Variants in SLC25A48 observed in about 807,000 individuals in gnomAD.
The protein encoded by SLC25A48 is CTC-321K16.1.
A neutral mutation model predicts 32.2 loss-of-function variants in SLC25A48; 29 were observed. That is an observed-to-expected ratio of 0.90 (90% confidence interval 0.67 to 1.23). SLC25A48 has a LOEUF of 1.23. SLC25A48 is among the 50% of genes most tolerant of loss of function. The pLI is 0.00. For synonymous variants in SLC25A48, 164 were observed against 172.3 expected (o/e 0.95, Z 0.38); for missense variants, 399 against 422.7 (o/e 0.94, Z 0.49).
chr5:135,869,002 G>C (rs187543394), intron 4 of SLC25A48, among the ~76,000 whole-genome samples: 1 of 152,186 alleles, frequency 6.6e-6, no homozygotes, highest in Non-Finnish European at 1.5e-5. Context: ...ACACACGAGT[G>C]AGAAGGGAGG....
chr5:135,799,904 A>G (rs945324249), intron 3 of SLC25A48, among the ~76,000 whole-genome samples: 7 of 151,818 alleles, frequency 4.6e-5, no homozygotes, highest in Non-Finnish European at 1.0e-4. Flanking sequence ...TACTCCCAAT[A>G]TCTCAGGGAG....
At chr5:135,678,263 T>G (rs1476129505) in intron 3 of SLC25A48, among the ~76,000 whole-genome samples, 1 of 152,208 alleles carries the variant, frequency 6.6e-6, no homozygotes, top group Admixed American at 6.5e-5. Flanking sequence ...TCAAAAGATC[T>G]GTCTTCAAGT....
chr5:135,698,304 GA>G (rs1754313978), intron 3 of SLC25A48, among the ~76,000 whole-genome samples: 1 of 152,174 alleles, frequency 6.6e-6, no homozygotes, highest in Non-Finnish European at 1.5e-5. Flanking sequence ...CCCATGGTTG[GA>G]CACAGGGAAA....
intron 3 of SLC25A48, among the ~76,000 whole-genome samples, chr5:135,759,894 A>ATC (rs1756019641): frequency 6.7e-6 from 1 of 148,412 alleles, no homozygotes; most frequent in African/African-American, 2.5e-5. Flanking sequence ...CAATGGCACG[A>ATC]TCTCAGCTCA....
At chr5:135,632,387 G>A (rs1319965551) in intron 2 of SLC25A48, among the ~76,000 whole-genome samples, 1 of 152,194 alleles carries the variant, frequency 6.6e-6, no homozygotes, top group Non-Finnish European at 1.5e-5. Context: ...AGGAGTGGTA[G>A]CCTGGACTCA....
chr5:135,801,194 G>A (rs538523465), intron 3 of SLC25A48, among the ~76,000 whole-genome samples: 1 of 150,776 alleles, frequency 6.6e-6, no homozygotes, highest in South Asian at 2.1e-4. Context: ...AATATCCAGG[G>A]TGGTAGGGGA....
intron 3 of SLC25A48, among the ~76,000 whole-genome samples, chr5:135,796,483 C>A (rs1757183426): frequency 6.6e-6 from 1 of 150,964 alleles, no homozygotes; most frequent in Non-Finnish European, 1.5e-5. Flanking sequence ...GTGTACACAC[C>A]CCTGTGATAT....
chr5:135,607,834 A>AGG (rs1421621822), intron 1 of SLC25A48, among the ~76,000 whole-genome samples: 1 of 152,186 alleles, frequency 6.6e-6, no homozygotes, highest in Non-Finnish European at 1.5e-5. Context: ...TTGAAGTAGG[A>AGG]GGCAGAATTG....
chr5:135,654,866 G>A (rs778142670), intron 3 of SLC25A48, among the ~76,000 whole-genome samples: 1 of 152,206 alleles, frequency 6.6e-6, no homozygotes, highest in Non-Finnish European at 1.5e-5. Context: ...CATAGACTGC[G>A]AGAACTCGGC....
At chr5:135,782,533 G>A (rs781291319) in intron 3 of SLC25A48, among the ~76,000 whole-genome samples, 1 of 117,122 alleles carries the variant, frequency 8.5e-6, no homozygotes, top group African/African-American at 2.6e-5. Flanking sequence ...TCCAGGGAAG[G>A]AGAGGATGAT....
chr5:135,874,232 T>C (rs1761879564), intron 6 of SLC25A48, 78 bp downstream of exon 6: 3 of 1,371,076 alleles, frequency 2.2e-6, no homozygotes, highest in African/African-American at 1.5e-5. Flanking sequence ...TGTGGGACTA[T>C]AGAGAAGGGA....
intron 3 of SLC25A48, among the ~76,000 whole-genome samples, chr5:135,666,657 CAGAGAGAGAGAGAGAGAG>C (rs70976575): frequency 1.8e-3 from 269 of 148,680 alleles, no homozygotes; most frequent in Non-Finnish European, 2.0e-3. Flanking sequence ...TTCAGGGCAT[CAGAGAGAGAGAGAGAGAG>C]AGAGAGAGAG....
intron 1 of SLC25A48, among the ~76,000 whole-genome samples, chr5:135,597,780 G>A (rs1751688949): frequency 6.6e-6 from 1 of 152,164 alleles, no homozygotes; most frequent in South Asian, 2.1e-4. Flanking sequence ...GAGGTGGGCG[G>A]ATCACCTGAG....
At chr5:135,867,880 C>A (rs1694201212) in intron 4 of SLC25A48, among the ~76,000 whole-genome samples, 2 of 152,190 alleles carry the variant, frequency 1.3e-5, no homozygotes, top group African/African-American at 4.8e-5. Context: ...TTGTAAGTTA[C>A]AACCACTGCC....
chr5:135,888,082 T>G lies in SLC25A48; in HGVS notation c.*58T>G. ...GTTCCCTGGGCCTCATCTCTGCATGTGAAGCCCTGAGAGCTGCAGATGTTT... is the reference window on the plus strand; with the variant it reads ...GTTCCCTGGGCCTCATCTCTGCATGGGAAGCCCTGAGAGCTGCAGATGTTT... On this transcript the variant is annotated 3_prime_UTR_variant, in exon 8 of 8. Coordinates refer to ENST00000681962, the MANE Select transcript of SLC25A48 (RefSeq NM_001349336.2). The G allele has an allele frequency of 6.4e-7, 1 of 1,551,672 alleles. No homozygotes were observed. Among genetic ancestry groups the G allele is most frequent in the Non-Finnish European group, 8.7e-7 (1 of 1,146,864 alleles).
chr5:135,732,721 A>G (rs752535663), intron 3 of SLC25A48, among the ~76,000 whole-genome samples: 3 of 152,166 alleles, frequency 2.0e-5, no homozygotes, highest in Non-Finnish European at 4.4e-5. Context: ...CTGCGAGGAG[A>G]TATTTTCCTT....
chr5:135,832,151 G>A (rs187378349), upstream of SLC25A48, among the ~76,000 whole-genome samples: 7 of 152,296 alleles, frequency 4.6e-5, no homozygotes, highest in Admixed American at 1.3e-4. Context: ...AGGTGGAGGT[G>A]TTGAGTAGAG....
intron 3 of SLC25A48, among the ~76,000 whole-genome samples, chr5:135,791,284 C>T (rs1313441549): frequency 1.3e-5 from 2 of 151,656 alleles, no homozygotes; most frequent in Non-Finnish European, 2.9e-5. Context: ...TGATATTATT[C>T]ATAATATCTT....
At chr5:135,699,399 G>A (rs1160929466) in intron 3 of SLC25A48, among the ~76,000 whole-genome samples, 23 of 97,128 alleles carry the variant, frequency 2.4e-4, no homozygotes, top group Admixed American at 1.0e-4. Flanking sequence ...AAAACATTAC[G>A]CTGGGAAAAA....
Sources: gnomAD v4.1 joint callset for allele counts (sites outside exome capture counted in the v4.1 genomes callset) on GRCh38, gnomAD v4.1.1 for gene constraint, MANE v1.5 for transcripts, NCBI Gene and HGNC (gene_info 2026-07-23, HGNC 2026-07-21) for gene names.